LAMA2: variants seen among roughly 807,000 people sequenced by gnomAD.
LAMA2 encodes laminin subunit alpha-2.
Under a neutral mutation model 364.8 loss-of-function variants are expected in LAMA2, and 269 were observed. The ratio of observed to expected loss-of-function variants is 0.74; its 90% CI spans 0.67 to 0.82. LAMA2 has a LOEUF of 0.82. Among genes scored for constraint, LAMA2 ranks in the 40% least tolerant of loss-of-function variants. The probability of loss-of-function intolerance (pLI) is 0.00; values close to 1 mark genes in which losing one functional copy is unlikely to be tolerated. For missense variants in LAMA2, 3,807 were observed against 3,873.2 expected (o/e 0.98, Z 0.45); for synonymous variants, 1,379 against 1,370.6 (o/e 1.01, Z -0.14).
At chr6:129,088,651 G>A (rs1404992231) in intron 3 of LAMA2, among the ~76,000 whole-genome samples, 3 of 147,630 alleles carry the variant, frequency 2.0e-5, no homozygotes, top group African/African-American at 7.4e-5. Context: ...CTGCCGGGCG[G>A]AGGGGCTCCT....
intron 6 of LAMA2, among the ~76,000 whole-genome samples, chr6:129,148,046 A>T (rs1323727041): frequency 6.6e-6 from 1 of 152,042 alleles, no homozygotes; most frequent in Non-Finnish European, 1.5e-5. Context: ...ACCTAGGCAT[A>T]ATTTTCCACA....
intron 40 of LAMA2, among the ~76,000 whole-genome samples, chr6:129,420,428 T>C (rs1466689444): frequency 8.0e-6 from 1 of 125,288 alleles, no homozygotes; most frequent in Admixed American, 8.9e-5. Flanking sequence ...CAGTTTTCTT[T>C]ATTGAAAATA....
chr6:129,468,297 A>C (rs1005882809), intron 51 of LAMA2, among the ~76,000 whole-genome samples: 1 of 151,826 alleles, frequency 6.6e-6, no homozygotes, highest in Admixed American at 6.6e-5. Context: ...CCTTCTGCCC[A>C]TGGTTGTTAC....
chr6:129,332,146 A>G (rs1035296498), intron 29 of LAMA2, among the ~76,000 whole-genome samples: 1 of 152,144 alleles, frequency 6.6e-6, no homozygotes, highest in African/African-American at 2.4e-5. Context: ...ATCCCACAGT[A>G]TTTACTATTA....
chr6:129,391,405 TG>T, intron 35 of LAMA2, 85 bp from the exon 36 acceptor site: 1 of 1,102,124 alleles, frequency 9.1e-7, no homozygotes, highest in Admixed American at 1.7e-5. Flanking sequence ...CATTTGGAGA[TG>T]GTGGTGCCCA....
chr6:129,197,530 C>A (rs1313570900), intron 12 of LAMA2, among the ~76,000 whole-genome samples: 1 of 152,180 alleles, frequency 6.6e-6, no homozygotes, highest in African/African-American at 2.4e-5. Context: ...CAATGTGTAA[C>A]TTAGTACTGG....
At chr6:129,182,303 T>C (rs1004340736) in intron 10 of LAMA2, among the ~76,000 whole-genome samples, 18 of 151,534 alleles carry the variant, frequency 1.2e-4, no homozygotes, top group African/African-American at 3.6e-4. Flanking sequence ...AGTTAATTAG[T>C]ACCACAATTT....
intron 1 of LAMA2, among the ~76,000 whole-genome samples, chr6:128,977,300 C>T (rs1782594150): frequency 6.8e-6 from 1 of 148,070 alleles, no homozygotes; most frequent in Non-Finnish European, 1.5e-5. Context: ...TGACGTGTTG[C>T]CCAGGCTGGA....
chr6:129,343,393 T>C (rs1379651765), intron 30 of LAMA2, among the ~76,000 whole-genome samples: 1 of 152,154 alleles, frequency 6.6e-6, no homozygotes, highest in East Asian at 1.9e-4. Flanking sequence ...AATCATCTCC[T>C]TTTCCTCTGA....
At chr6:129,009,411 A>G (rs1784635160) in intron 1 of LAMA2, among the ~76,000 whole-genome samples, 1 of 152,174 alleles carries the variant, frequency 6.6e-6, no homozygotes, top group Admixed American at 6.5e-5. Context: ...CAATTAGGAT[A>G]AGTAATTCAA....
At position 129,436,583 on chromosome 6, in the gene LAMA2, A is replaced by G. The variant is rs9402131; in HGVS notation, c.5969-2063A>G. On this transcript the variant is annotated intron_variant, in intron 41 of 64. Coordinates refer to ENST00000421865, the MANE Select transcript of LAMA2 (RefSeq NM_000426.4). ...CAGGTATATTGAAGGGTAAATTTCTATCAGTAGAATTGCCAAACCAAATAC... is the reference window on the plus strand; with the variant it reads ...CAGGTATATTGAAGGGTAAATTTCTGTCAGTAGAATTGCCAAACCAAATAC... Among the ~76,000 whole-genome samples the G allele has an allele frequency of 1.1e-4, 17 of 152,208 alleles. No individual in the cohort carries two copies. In the East Asian group the frequency reaches 3.1e-3, roughly 28 times the overall value.
At chr6:129,185,346 G>A (rs1464151970) in intron 10 of LAMA2, among the ~76,000 whole-genome samples, 14 of 151,738 alleles carry the variant, frequency 9.2e-5, no homozygotes, top group Admixed American at 2.6e-4. Context: ...CAACACAATA[G>A]TATCTCACTT....
intron 32 of LAMA2, among the ~76,000 whole-genome samples, chr6:129,355,032 C>T (rs546178057): frequency 6.6e-6 from 1 of 152,142 alleles, no homozygotes; most frequent in Non-Finnish European, 1.5e-5. Flanking sequence ...AGGGGTTATA[C>T]ATGGTATTTA....
In LAMA2 at chr6:129,170,803, G is replaced by C. The variant is rs1780093123; in HGVS notation, c.1306+5128G>C. Among the ~76,000 whole-genome samples the C allele has an allele frequency of 2.0e-5, 3 of 150,356 alleles. No individual in the cohort carries two copies. The South Asian group carries it at 6.4e-4, about 32-fold the overall frequency. On this transcript the variant is annotated intron_variant, in intron 9 of 64. Transcript: ENST00000421865. ...AAAGTCTCCCATTATTAATGTGTGG[G>C]AGTCTAAGTCTCTTTGTAGGTCACT...
At chr6:129,512,026 C>T (rs181940964) in intron 62 of LAMA2, among the ~76,000 whole-genome samples, 127 of 152,210 alleles carry the variant, frequency 8.3e-4, no homozygotes, top group African/African-American at 2.9e-3. Context: ...AGTGTGTATC[C>T]ATTTATTCAA....
intron 29 of LAMA2, among the ~76,000 whole-genome samples, chr6:129,335,160 C>G (rs562329254): frequency 6.6e-6 from 1 of 152,126 alleles, no homozygotes; most frequent in South Asian, 2.1e-4. Context: ...ATGATACTTG[C>G]AAGATAATTG....
chr6:129,010,223 T>C (rs1784680913), intron 1 of LAMA2, among the ~76,000 whole-genome samples: 1 of 152,210 alleles, frequency 6.6e-6, no homozygotes, highest in South Asian at 2.1e-4. Context: ...GACAGACTTA[T>C]ATTTTCTAAA....
At chr6:129,091,924 G>C (rs1195105960) in intron 3 of LAMA2, among the ~76,000 whole-genome samples, 3 of 152,210 alleles carry the variant, frequency 2.0e-5, no homozygotes, top group Admixed American at 1.3e-4. Flanking sequence ...TTTAAGATGA[G>C]AGTGAACAAT....
At chr6:129,254,329 A>C (rs1786482753) in intron 14 of LAMA2, among the ~76,000 whole-genome samples, 1 of 152,130 alleles carries the variant, frequency 6.6e-6, no homozygotes. Context: ...TTTGTTTTCA[A>C]CTCAGCTATT....
Sources: allele counts gnomAD v4.1 joint callset (sites outside exome capture counted in the v4.1 genomes callset), GRCh38; gene constraint gnomAD v4.1.1; transcripts MANE v1.5; gene names NCBI Gene and HGNC (gene_info 2026-07-23, HGNC 2026-07-21).